PCDH1: variants seen among roughly 807,000 people sequenced by gnomAD.
PCDH1 encodes protocadherin-1.
A neutral mutation model predicts 74.6 loss-of-function variants in PCDH1; 23 were observed. The observed-to-expected ratio is 0.31, with a 90% CI of 0.22 to 0.44. The LOEUF (loss-of-function observed/expected upper bound fraction) is 0.44, where lower values mean the gene tolerates loss of function less well. PCDH1 is among the 20% of genes least tolerant of loss of function. The probability of loss-of-function intolerance (pLI) is 1.00; values close to 1 mark genes in which losing one functional copy is unlikely to be tolerated. For synonymous variants in PCDH1, 647 were observed against 686.1 expected (o/e 0.94, Z 0.89); for missense variants, 1,214 against 1,641.4 (o/e 0.74, Z 4.50).
intron 3 of PCDH1, among the ~76,000 whole-genome samples, chr5:141,861,281 C>T (rs528900764): frequency 6.6e-6 from 1 of 152,160 alleles, no homozygotes; most frequent in African/African-American, 2.4e-5. Flanking sequence ...ATTTTTTCAT[C>T]AGGGTCTAGT....
At chr5:141,857,657 GT>G (rs1485496008) in intron 3 of PCDH1, among the ~76,000 whole-genome samples, 186 bp from the exon 4 acceptor site, 1 of 152,032 alleles carries the variant, frequency 6.6e-6, no homozygotes, top group Non-Finnish European at 1.5e-5. Context: ...CAGCTCCTGA[GT>G]TCTAGGACCG....
At chr5:141,873,613 ATT>A (rs34468568) in intron 1 of PCDH1, among the ~76,000 whole-genome samples, 32 of 122,506 alleles carry the variant, frequency 2.6e-4, no homozygotes, top group East Asian at 7.2e-4. Context: ...TGCCCAGCTA[ATT>A]TTTTTTTTTT....
At position 141,868,327 on chromosome 5, in the gene PCDH1, G is replaced by A. The variant is rs531671640; in HGVS notation, c.903+242C>T. On this transcript the variant is annotated intron_variant, in intron 2 of 4. Coordinates refer to ENST00000287008, the MANE Select transcript of PCDH1 (RefSeq NM_032420.5). The surrounding 1 kb of genome is among the most constrained non-coding windows in gnomAD (Gnocchi z 4.8). ...GTTCCCCCAGCTTGAGTCTGCCTTA[G>A]GGGTCACGGGAAACTGTTCATATGC... Among the ~76,000 whole-genome samples, 1 of 152,326 alleles carries A rather than the reference G, an allele frequency of 6.6e-6. No homozygotes were observed. Among genetic ancestry groups the A allele is most frequent in the South Asian group, 2.1e-4 (1 of 4,828 alleles).
intron 1 of PCDH1, among the ~76,000 whole-genome samples, chr5:141,876,776 C>G (rs1489440098): frequency 3.3e-5 from 5 of 150,728 alleles, no homozygotes; most frequent in African/African-American, 1.2e-4. Flanking sequence ...CCCAGGTGTG[C>G]GGGACCCACC....
chr5:141,854,612 G>A (rs1752256116), intron 4 of PCDH1, among the ~76,000 whole-genome samples, 176 bp from the exon 5 acceptor site: 1 of 151,948 alleles, frequency 6.6e-6, no homozygotes, highest in Admixed American at 6.6e-5. Context: ...TCCCACCATC[G>A]ACCTACTGGC....
Position 141,869,677 on chromosome 5 carries a change from G to A in PCDH1, c.41-246C>T, listed in dbSNP as rs1178331391. On this transcript the variant is annotated intron_variant, in intron 1 of 4. Transcript: ENST00000287008. This position sits in a 1 kb window ranked among gnomAD's most constrained non-coding sequence, Gnocchi z 4.9. Reference sequence around the variant, plus strand: ...TAAGAGGCCTGGCATGCCTAGAGCAGCTCCCGCCCATGGAACACCCTCACC... The same window carrying A: ...TAAGAGGCCTGGCATGCCTAGAGCAACTCCCGCCCATGGAACACCCTCACC... 4 of 1,522,964 alleles carry A rather than the reference G, an allele frequency of 2.6e-6. No homozygotes were observed. Among genetic ancestry groups the A allele is most frequent in the African/African-American group, 1.4e-5 (1 of 72,760 alleles). The allele number at this position is 1,522,964 out of a possible 1,614,324, so 94.3% of individuals were successfully genotyped here.
chr5:141,877,312 G>C (rs1022363448), intron 1 of PCDH1, among the ~76,000 whole-genome samples: 2 of 152,214 alleles, frequency 1.3e-5, no homozygotes, highest in African/African-American at 4.8e-5. Flanking sequence ...TCCTGTGTTA[G>C]AGTGTGTGCC....
intron 3 of PCDH1, 96 bp from the exon 4 acceptor site, chr5:141,857,567 C>G: frequency 3.1e-6 from 3 of 952,448 alleles, no homozygotes; most frequent in Admixed American, 2.7e-5. Flanking sequence ...CCATCCTACT[C>G]AGGCTTCAAC....
intron 3 of PCDH1, among the ~76,000 whole-genome samples, chr5:141,859,649 C>G (rs1385514724): frequency 7.9e-5 from 12 of 152,200 alleles, no homozygotes; most frequent in Non-Finnish European, 1.6e-4. Context: ...CCCTCATTCC[C>G]TATCCCTACC....
Position 141,878,130 on chromosome 5 carries a change from T to C in PCDH1, c.40+93A>G. 8.2e-7 allele frequency: 1 copy of C among 1,223,130 alleles called. No individual in the cohort carries two copies. The highest frequency in any genetic ancestry group is 1.1e-6 in the Non-Finnish European group (1 of 937,878). 75.8% of individuals were successfully genotyped at this position (1,223,130 alleles called of 1,614,324 possible). A position where few individuals can be genotyped will look rare whatever the true frequency, so the allele number is the denominator to read the frequency against. On this transcript the variant is annotated intron_variant, in intron 1 of 4. Transcript: ENST00000287008. This position sits in a 1 kb window ranked among gnomAD's most constrained non-coding sequence, Gnocchi z 5.5. ...GAGCTCGTGTTGGGCCCCCGCGGCC[T>C]CGCTCCGCCGAGCGCCCCTCCCTCA...
Position 141,862,356 on chromosome 5 carries a change from C to A in PCDH1, c.3099+876G>T, listed in dbSNP as rs141273607. ...CAGGACTTGGGTATAGCTCCACCTGCCCTTTCTGGGTCATTCTTAGGAAGA... is the reference window on the plus strand; with the variant it reads ...CAGGACTTGGGTATAGCTCCACCTGACCTTTCTGGGTCATTCTTAGGAAGA... On this transcript the variant is annotated intron_variant, in intron 3 of 4. Transcript: ENST00000287008. Among the ~76,000 whole-genome samples, 32 of 152,280 alleles carry A rather than the reference C, an allele frequency of 2.1e-4. No individual in the cohort carries two copies. The East Asian group carries it at 6.2e-3, about 29-fold the overall frequency.
Position 141,865,912 on chromosome 5 carries a change from G to A in PCDH1, c.904-485C>T, listed in dbSNP as rs961005223. The stretch of plus-strand genomic sequence containing the variant: ...CATGCACATATGTATGTGTATGATT[G>A]TGTCAGAATGTGTGATTAAATGTGA... On this transcript the variant is annotated intron_variant, in intron 2 of 4. Transcript: ENST00000287008. The surrounding 1 kb of genome is among the most constrained non-coding windows in gnomAD (Gnocchi z 4.4). 6.6e-6 allele frequency among the ~76,000 whole-genome samples: 1 copy of A among 152,248 alleles called. No homozygotes were observed. Among genetic ancestry groups the A allele is most frequent in the African/African-American group, 2.4e-5 (1 of 41,470 alleles).
rs540341752 is a variant in PCDH1, at chr5:141,869,929, A to G, written c.41-498T>C. Among the ~76,000 whole-genome samples, 2 of 152,186 alleles carry G rather than the reference A, an allele frequency of 1.3e-5. No individual in the cohort carries two copies. Among genetic ancestry groups the G allele is most frequent in the African/African-American group, 2.4e-5 (1 of 41,442 alleles). The stretch of plus-strand genomic sequence containing the variant: ...CCTCCCCACATGCATGGTAGGAAAG[A>G]GACACAAGTACGTCCTTACACACCC... On this transcript the variant is annotated intron_variant, in intron 1 of 4. Coordinates refer to ENST00000287008, the MANE Select transcript of PCDH1 (RefSeq NM_032420.5). The surrounding 1 kb of genome is among the most constrained non-coding windows in gnomAD (Gnocchi z 4.9).
At chr5:141,871,592 T>A (rs1026490590) in intron 1 of PCDH1, among the ~76,000 whole-genome samples, 3 of 152,234 alleles carry the variant, frequency 2.0e-5, no homozygotes, top group African/African-American at 7.2e-5. Flanking sequence ...GGGCTAAATG[T>A]GGGTACTCAA....
chr5:141,856,300 C>G, intron 4 of PCDH1: 4 of 1,436,926 alleles, frequency 2.8e-6, no homozygotes, highest in Non-Finnish European at 3.7e-6. Flanking sequence ...GGCATGAGAT[C>G]GCGCATGGAG....
intron 4 of PCDH1, chr5:141,856,322 G>T: frequency 4.3e-6 from 6 of 1,402,100 alleles, no homozygotes; most frequent in South Asian, 3.7e-5. Flanking sequence ...GGCGGGGTGG[G>T]GGTGGAGGGC....
Position 141,872,904 on chromosome 5 carries a change from G to T in PCDH1, c.41-3473C>A, listed in dbSNP as rs112137935. ...GGAATGTGGGGAAAACAGGGTTGGGGGAGAGTTGCTCACAGTGGGGAAAGG... is the reference window on the plus strand; with the variant it reads ...GGAATGTGGGGAAAACAGGGTTGGGTGAGAGTTGCTCACAGTGGGGAAAGG... On this transcript the variant is annotated intron_variant, in intron 1 of 4. Coordinates refer to ENST00000287008, the MANE Select transcript of PCDH1 (RefSeq NM_032420.5). Among the ~76,000 whole-genome samples the T allele has an allele frequency of 8.9e-3, 1,362 of 152,282 alleles. 26 individuals are homozygous for T. The highest frequency in any genetic ancestry group is 0.031 in the African/African-American group (1,303 of 41,532).
chr5:141,863,546 C>T lies in PCDH1; in HGVS notation c.2785G>A (p.Asp929Asn), dbSNP rs779746035. 3 of 1,614,148 alleles carry T rather than the reference C, an allele frequency of 1.9e-6. No homozygotes were observed. The highest frequency in any genetic ancestry group is 2.5e-6 in the Non-Finnish European group (3 of 1,179,998). Residue 929 changes from aspartate to asparagine, a missense_variant, in exon 3 of 5, where the codon GAT (aspartate) becomes AAT (asparagine). This residue lies in a region of PCDH1 where 836 missense variants were observed against 1,182.2 expected (regional missense o/e 0.71). Transcript: ENST00000287008. This position sits in a 1 kb window ranked among gnomAD's most constrained non-coding sequence, Gnocchi z 7.5. ...PKPVKPVEDEDEAGLQKSLKF... is the reference protein window; with the variant it reads ...PKPVKPVEDENEAGLQKSLKF... ...AGGGACTTCTGCAGCCCGGCCTCAT[C>T]CTCGTCCTCCACTGGCTTCACGGGC...
chr5:141,864,142 G>C lies in PCDH1; in HGVS notation c.2189C>G (p.Thr730Arg). ...CTGGCTGACCGTCTCACCAAGACGTGTCTGGGGGGTCAGCAGCTTGTGAGA... is the reference window on the plus strand; with the variant it reads ...CTGGCTGACCGTCTCACCAAGACGTCTCTGGGGGGTCAGCAGCTTGTGAGA... ...NTSHKLLTPQ[T>R]RLGETVSQVA... is the part of the protein sequence containing the mutation. Residue 730 changes from threonine (T) to arginine (R), a missense_variant, in exon 3 of 5, where the codon ACA becomes AGA. Around this residue, in one of 4 missense-constraint regions of PCDH1, gnomAD observed 836 missense variants for 1,182.2 expected, o/e 0.71. Coordinates refer to ENST00000287008, the MANE Select transcript of PCDH1 (RefSeq NM_032420.5). This position sits in a 1 kb window ranked among gnomAD's most constrained non-coding sequence, Gnocchi z 5.9. 1 of 1,609,088 alleles carries C rather than the reference G, an allele frequency of 6.2e-7. No homozygotes were observed. The highest frequency in any genetic ancestry group is 1.3e-5 in the African/African-American group (1 of 74,970).
Sources: allele counts gnomAD v4.1 joint callset (sites outside exome capture counted in the v4.1 genomes callset), GRCh38; gene constraint gnomAD v4.1.1; regional missense constraint gnomAD v4.1.1; non-coding constraint Gnocchi (gnomAD v3.1); transcripts MANE v1.5; gene names NCBI Gene and HGNC (gene_info 2026-07-23, HGNC 2026-07-21).